Variants in LINGO1 observed in about 807,000 individuals in gnomAD.
LINGO1 encodes leucine-rich repeat and immunoglobulin-like domain-containing nogo receptor-interacting protein 1.
In LINGO1, 11 loss-of-function variants were observed where a neutral mutation model predicts 37.3. The observed-to-expected ratio is 0.29, with a 90% CI of 0.19 to 0.49. LINGO1 has a LOEUF of 0.49. Among genes scored for constraint, LINGO1 ranks in the 20% least tolerant of loss-of-function variants. LINGO1 has a pLI of 0.99. For missense variants in LINGO1, 585 were observed against 878.2 expected, an observed-to-expected ratio of 0.67 and a Z score of 4.22; for synonymous variants, 387 against 403.0, an observed-to-expected ratio of 0.96 and a Z score of 0.48.
chr15:77,693,230 T>C (rs1389978038), intron 1 of LINGO1, among the ~76,000 whole-genome samples: 1 of 152,250 alleles, frequency 6.6e-6, no homozygotes, highest in Non-Finnish European at 1.5e-5. Flanking sequence ...AGGTATATTA[T>C]AGGGGCTAGG....
intron 2 of LINGO1, among the ~76,000 whole-genome samples, chr15:77,727,979 T>C (rs185619637): frequency 1.6e-4 from 24 of 152,288 alleles, no homozygotes; most frequent in African/African-American, 5.3e-4. Flanking sequence ...GTCTTAACCA[T>C]GCATCTTAAA....
chr15:77,634,059 G>A (rs2074344488), upstream of LINGO1, among the ~76,000 whole-genome samples: 1 of 152,190 alleles, frequency 6.6e-6, no homozygotes, highest in Non-Finnish European at 1.5e-5. Flanking sequence ...GAGTCCACAG[G>A]GGCAGCTGAG....
chr15:77,664,130 AGTGTGTGT>A (rs774494605), intron 3 of LINGO1, among the ~76,000 whole-genome samples: 30 of 130,362 alleles, frequency 2.3e-4, no homozygotes, highest in East Asian at 6.7e-4. Context: ...ACACAGGAGC[AGTGTGTGT>A]GTGTGTGTGT....
intron 2 of LINGO1, among the ~76,000 whole-genome samples, chr15:77,680,927 G>A (rs956103795): frequency 1.3e-5 from 2 of 152,186 alleles, no homozygotes; most frequent in African/African-American, 4.8e-5. Flanking sequence ...GACAACACGA[G>A]GAACAAGGAG....
At chr15:77,773,062 C>T (rs534716869) in intron 1 of LINGO1, among the ~76,000 whole-genome samples, 64 of 152,268 alleles carry the variant, frequency 4.2e-4, no homozygotes, top group African/African-American at 1.4e-3. Flanking sequence ...CCCATGGCAA[C>T]GGAGAATAGG....
chr15:77,794,661 C>T (rs2076858040), intron 2 of LINGO1, among the ~76,000 whole-genome samples: 1 of 148,550 alleles, frequency 6.7e-6, no homozygotes, highest in South Asian at 2.1e-4. Context: ...GATCTCGGCT[C>T]ACTGCAAGCT....
chr15:77,666,938 G>A (rs1186856992), intron 3 of LINGO1: 1 of 152,228 alleles, frequency 6.6e-6, no homozygotes, highest in Non-Finnish European at 1.5e-5. Flanking sequence ...AATGATAAGT[G>A]GCTTGGCTTC....
chr15:77,720,679 A>G (rs1280049186), intron 2 of LINGO1: 1 of 152,118 alleles, frequency 6.6e-6, no homozygotes, highest in East Asian at 1.9e-4. Flanking sequence ...TAAGTCAAGC[A>G]AGCTATTTTT....
chr15:77,773,423 G>A (rs1020104127), intron 1 of LINGO1, among the ~76,000 whole-genome samples: 2 of 152,148 alleles, frequency 1.3e-5, no homozygotes, highest in South Asian at 2.1e-4. Flanking sequence ...GCAGAGTCCC[G>A]ACTTTACAGA....
chr15:77,731,124 C>G (rs542634773), intron 2 of LINGO1, among the ~76,000 whole-genome samples: 1 of 152,206 alleles, frequency 6.6e-6, no homozygotes, highest in Non-Finnish European at 1.5e-5. Flanking sequence ...TCCAGCCCCC[C>G]AGACACCCCT....
rs186050465 is a variant in LINGO1 at position 77,802,611 on chromosome 15, C to G, written c.-457-6558G>C. Among the ~76,000 whole-genome samples, 53 of 152,244 alleles carry G rather than the reference C, an allele frequency of 3.5e-4. No individual in the cohort carries two copies. In the East Asian group the frequency reaches 7.3e-3, roughly 21 times the overall value. On this transcript the variant is annotated intron_variant, in intron 1 of 5. Coordinates refer to the LINGO1 transcript ENST00000562933. ...GGCCCCCTCCAGTTCCAGAAGGCCC[C>G]CTTCCCTTGAACAATTGTTTGCACA... is the stretch of plus-strand genomic sequence containing the variant.
intron 1 of LINGO1, among the ~76,000 whole-genome samples, chr15:77,691,269 G>T (rs2075598622): frequency 6.6e-6 from 1 of 152,162 alleles, no homozygotes; most frequent in Non-Finnish European, 1.5e-5. Context: ...CTGCCTCCTG[G>T]CCACAGTACA....
At chr15:77,698,811 G>A (rs35409437), upstream of LINGO1, among the ~76,000 whole-genome samples, 12,371 of 152,242 alleles carry the variant, frequency 0.081, 569 homozygotes, top group Middle Eastern at 0.13. Context: ...GGTGGGCACA[G>A]CAGGAGGATC....
At chr15:77,806,130 C>T (rs2076957702) in intron 1 of LINGO1, among the ~76,000 whole-genome samples, 1 of 152,178 alleles carries the variant, frequency 6.6e-6, no homozygotes, top group Non-Finnish European at 1.5e-5. Flanking sequence ...TTGCAAACAG[C>T]GATGCCACTG....
intron 1 of LINGO1, among the ~76,000 whole-genome samples, chr15:77,783,089 G>A (rs2076736683): frequency 6.6e-6 from 1 of 152,114 alleles, no homozygotes. Flanking sequence ...CACCTCTTCA[G>A]AGAGGCCTGC....
In LINGO1 at chr15:77,747,873, C is replaced by G. The variant is rs565443418; in HGVS notation, c.-256-12820G>C. ...TCAGTCATTACCCACCTCCACACGT[C>G]AGTGGAGGAAGGAGGCAGGGAGGAG... On this transcript the variant is annotated intron_variant, in intron 1 of 3. Transcript: ENST00000561686. 2.3e-4 allele frequency among the ~76,000 whole-genome samples: 35 copies of G among 152,186 alleles called. 1 individual carries two copies. In the South Asian group the frequency reaches 7.3e-3, roughly 32 times the overall value.
chr15:77,710,969 A>T (rs1457510863), intron 2 of LINGO1, among the ~76,000 whole-genome samples: 2 of 152,236 alleles, frequency 1.3e-5, no homozygotes, highest in African/African-American at 4.8e-5. Context: ...AGACGTCTGC[A>T]GGAGGCAGCC....
At chr15:77,780,786 C>T (rs2076709003) in intron 1 of LINGO1, among the ~76,000 whole-genome samples, 1 of 151,762 alleles carries the variant, frequency 6.6e-6, no homozygotes, top group Non-Finnish European at 1.5e-5. Flanking sequence ...CCCACCCCCA[C>T]CATGTGAGGA....
chr15:77,796,364 C>T (rs376225334), intron 1 of LINGO1, among the ~76,000 whole-genome samples: 7 of 152,358 alleles, frequency 4.6e-5, no homozygotes, highest in South Asian at 2.1e-4. Flanking sequence ...CTCTGGGAAG[C>T]GCAGAGTTTG....
Sources: gnomAD v4.1 joint callset for allele counts (sites outside exome capture counted in the v4.1 genomes callset) on GRCh38, gnomAD v4.1.1 for gene constraint, MANE v1.5 for transcripts, NCBI Gene and HGNC (gene_info 2026-07-23, HGNC 2026-07-21) for gene names.